NNT: variants seen among roughly 807,000 people sequenced by gnomAD.
The protein encoded by NNT is nicotinamide nucleotide transhydrogenase, also known as NAD(P) transhydrogenase, mitochondrial.
Under a neutral mutation model 104.8 loss-of-function variants are expected in NNT, and 50 were observed. The observed-to-expected ratio is 0.48, with a 90% confidence interval of 0.38 to 0.60. The LOEUF (loss-of-function observed/expected upper bound fraction) is 0.60. NNT is among the 20% of genes least tolerant of loss of function. NNT has a pLI of 0.00. For synonymous variants in NNT, 461 were observed against 490.4 expected (o/e 0.94, Z 0.79); for missense variants, 1,131 against 1,330.7 (o/e 0.85, Z 2.33).
In NNT at chr5:43,704,397, A is replaced by C. The variant is rs762057248; in HGVS notation, c.3254A>C (p.Gln1085Pro). The C allele has an allele frequency of 2.5e-6, 4 of 1,613,542 alleles. No homozygotes were observed. The South Asian group carries it at 4.4e-5, about 18-fold the overall frequency. Residue 1085 changes from glutamine (Q) to proline (P), a missense_variant, in exon 22 of 22, where the codon CAG becomes CCG. Transcript: ENST00000344920. Reference sequence around the variant, plus strand: ...CAGGCGAAAGTTAGAGAATCCTATCAGAAGTAAATATTAAGGATCAAGCTG... The same window carrying C: ...CAGGCGAAAGTTAGAGAATCCTATCCGAAGTAAATATTAAGGATCAAGCTG... ...ALQAKVRESY[Q>P]K is the part of the protein sequence containing the mutation.
At chr5:43,675,783 A>G (rs1310844874) in intron 18 of NNT, 113 bp downstream of exon 18, 3 of 773,720 alleles carry the variant, frequency 3.9e-6, no homozygotes, top group Non-Finnish European at 5.7e-6. Flanking sequence ...TGAAAATATA[A>G]TGGAAACAAT....
rs1043232773 is a variant in NNT, at chr5:43,706,433, A to T, written c.*2029A>T. 9.2e-5 allele frequency: 14 copies of T among 151,822 alleles called. No homozygotes were observed. Among genetic ancestry groups the T allele is most frequent in the Admixed American group, 4.6e-4 (7 of 15,260 alleles). The allele number at this position is 151,822 out of a possible 1,614,324, so 9.4% of individuals were successfully genotyped here. The stretch of plus-strand genomic sequence containing the variant: ...TTATGATATTTAAGTATAAATAATT[A>T]AAAAAATTTATTGTACCTTATAGTC... On this transcript the variant is annotated 3_prime_UTR_variant, in exon 22 of 22. Transcript: ENST00000344920.
chr5:43,651,407 C>T (rs185686498), intron 12 of NNT, among the ~76,000 whole-genome samples: 32 of 151,918 alleles, frequency 2.1e-4, no homozygotes, highest in African/African-American at 7.7e-4. Flanking sequence ...TGAAACCCCC[C>T]TCTCTACTAA....
At chr5:43,704,220 T>A (rs746323732) in intron 21 of NNT, 35 bp from the exon 22 acceptor site, 1 of 1,525,614 alleles carries the variant, frequency 6.6e-7, no homozygotes, top group East Asian at 2.3e-5. Context: ...GTTGGTCTGT[T>A]AAATACACTC....
chr5:43,661,935 G>C (rs886991578), intron 17 of NNT, among the ~76,000 whole-genome samples: 6 of 152,118 alleles, frequency 3.9e-5, no homozygotes, highest in Non-Finnish European at 5.9e-5. Flanking sequence ...CCAGTAATGG[G>C]ATGGCTGGGT....
rs1475958799 is a variant in NNT at position 43,644,266 on chromosome 5, G to T, written c.1039G>T (p.Ala347Ser). 4 of 1,613,860 alleles carry T rather than the reference G, an allele frequency of 2.5e-6. No individual in the cohort carries two copies. The Admixed American group carries it at 6.7e-5, about 27-fold the overall frequency. Residue 347 changes from alanine (A) to serine (S), a missense_variant, in exon 8 of 22, where the codon GCT (alanine) becomes TCT (serine). Ala to Ser is a moderately conservative substitution (Grantham distance 99, BLOSUM62 1). Transcript: ENST00000344920. ...MKEGSVVVDL[A>S]AEAGGNFETT... is the part of the protein sequence containing the mutation. ...GGAAGGTTCAGTTGTTGTGGATTTA[G>T]CTGCTGAGGCTGGTGGAAACTTTGA...
At chr5:43,617,295 A>G (rs1749841640) in intron 4 of NNT, among the ~76,000 whole-genome samples, 1 of 152,226 alleles carries the variant, frequency 6.6e-6, no homozygotes, top group African/African-American at 2.4e-5. Flanking sequence ...ATTATGAGAC[A>G]ATATAAATAA....
intron 3 of NNT, chr5:43,613,452 G>A (rs1001001858): frequency 1.9e-5 from 4 of 207,388 alleles, no homozygotes; most frequent in East Asian, 2.4e-4. Flanking sequence ...GTACCCACAC[G>A]TGAACATTTA....
rs61079918 is a variant in NNT at position 43,694,738 on chromosome 5, T to TTGTGTGTGTGTGTG, written c.2877-5351_2877-5338dup. 1.0e-3 allele frequency among the ~76,000 whole-genome samples: 140 copies of TTGTGTGTGTGTGTG among 137,906 alleles called. No individual in the cohort carries two copies. The East Asian group carries it at 0.013, about 13-fold the overall frequency. 90.5% of individuals were successfully genotyped at this position (137,906 alleles called of 152,430 possible). A position where few individuals can be genotyped will look rare whatever the true frequency, so the allele number is the denominator to read the frequency against. On this transcript the variant is annotated intron_variant, in intron 19 of 21. Coordinates refer to ENST00000344920, the MANE Select transcript of NNT (RefSeq NM_182977.3). ...TTCATCAAGGATATTGGCCTAAAGT[T>TTGTGTGTGTGTGTG]TGTGTGTGTGTGTGTGTGTGTGTGT... is the stretch of plus-strand genomic sequence containing the variant.
chr5:43,701,830 G>A (rs1262615210), intron 20 of NNT, among the ~76,000 whole-genome samples: 1 of 152,108 alleles, frequency 6.6e-6, no homozygotes, highest in Non-Finnish European at 1.5e-5. Flanking sequence ...CTTATGTTTA[G>A]TGATGTCGAA....
intron 19 of NNT, among the ~76,000 whole-genome samples, chr5:43,687,250 A>C (rs566523629): frequency 6.6e-6 from 1 of 152,168 alleles, no homozygotes; most frequent in East Asian, 1.9e-4. Context: ...CATTTTAGTT[A>C]TTTTCCTCTG....
chr5:43,671,331 G>T (rs377281624), intron 17 of NNT, among the ~76,000 whole-genome samples: 2 of 152,128 alleles, frequency 1.3e-5, no homozygotes, highest in East Asian at 3.8e-4. Flanking sequence ...TTATTATGAT[G>T]TTAGCTGGTT....
At chr5:43,655,025 T>C (rs1200025660) in intron 14 of NNT, among the ~76,000 whole-genome samples, 3 of 152,200 alleles carry the variant, frequency 2.0e-5, no homozygotes, top group African/African-American at 7.2e-5. Flanking sequence ...CTAATTTGGG[T>C]ATTTACTGCC....
chr5:43,698,813 T>C (rs185201185), intron 19 of NNT, among the ~76,000 whole-genome samples: 23 of 151,570 alleles, frequency 1.5e-4, no homozygotes, highest in Middle Eastern at 3.5e-3. Flanking sequence ...TGAATATATA[T>C]GCATACATAC....
At position 43,704,456 on chromosome 5, in the gene NNT, A is replaced by G; in HGVS notation, c.*52A>G. On this transcript the variant is annotated 3_prime_UTR_variant, in exon 22 of 22. Coordinates refer to ENST00000344920, the MANE Select transcript of NNT (RefSeq NM_182977.3). Reference sequence around the variant, plus strand: ...TAATGCCACCTCTGCAGTTTTGGGAACAGGCAAATAAAGTATCAGTATACA... The same window carrying G: ...TAATGCCACCTCTGCAGTTTTGGGAGCAGGCAAATAAAGTATCAGTATACA... The G allele has an allele frequency of 6.3e-7, 1 of 1,586,856 alleles. No individual in the cohort carries two copies. Among genetic ancestry groups the G allele is most frequent in the Non-Finnish European group, 8.6e-7 (1 of 1,159,446 alleles).
At chr5:43,644,369 T>C in intron 8 of NNT, 44 bp downstream of exon 8, 1 of 1,591,694 alleles carries the variant, frequency 6.3e-7, no homozygotes, top group Non-Finnish European at 8.5e-7. Flanking sequence ...TTCTCATGTC[T>C]TGAGTTATGG....
At chr5:43,646,242 T>C (rs1366088709) in intron 10 of NNT, among the ~76,000 whole-genome samples, 1 of 152,216 alleles carries the variant, frequency 6.6e-6, no homozygotes, top group Non-Finnish European at 1.5e-5. Flanking sequence ...TTTCCTGTTA[T>C]AGAAAGCATT....
chr5:43,657,127 G>T (rs1740095850), intron 16 of NNT, among the ~76,000 whole-genome samples: 1 of 152,168 alleles, frequency 6.6e-6, no homozygotes, highest in South Asian at 2.1e-4. Flanking sequence ...CAATGTATTA[G>T]GTGCCTACTA....
intron 17 of NNT, among the ~76,000 whole-genome samples, chr5:43,673,695 A>T (rs1364990231): frequency 6.6e-6 from 1 of 152,198 alleles, no homozygotes; most frequent in Non-Finnish European, 1.5e-5. Flanking sequence ...TTAAAACACC[A>T]TGTCAGCTAG....
Sources: gnomAD v4.1 joint callset for allele counts (sites outside exome capture counted in the v4.1 genomes callset) on GRCh38, gnomAD v4.1.1 for gene constraint, MANE v1.5 for transcripts, NCBI Gene and HGNC (gene_info 2026-07-23, HGNC 2026-07-21) for gene names.